The following DGAT2 variants were observed in gnomAD, a reference collection of about 807,000 sequenced individuals.
DGAT2 encodes the protein acyl-CoA retinol O-fatty-acyltransferase.
A neutral mutation model predicts 48.4 loss-of-function variants in DGAT2; 33 were observed. That is an observed-to-expected ratio of 0.68 (90% CI 0.52 to 0.91). DGAT2 has a LOEUF of 0.91. Among genes scored for constraint, DGAT2 ranks in the 40% least tolerant of loss-of-function variants. DGAT2 has a pLI of 0.00. For missense variants in DGAT2, 446 were observed against 493.7 expected (o/e 0.90, Z 0.92); for synonymous variants, 191 against 194.1 (o/e 0.98, Z 0.13).
At chr11:75,777,666 C>T (rs964361076) in intron 1 of DGAT2, among the ~76,000 whole-genome samples, 1 of 152,130 alleles carries the variant, frequency 6.6e-6, no homozygotes, top group Admixed American at 6.5e-5. Flanking sequence ...CCCCTGTTTT[C>T]GGCACTGACT....
At chr11:75,784,519 C>T in intron 1 of DGAT2, 99 bp from the exon 2 acceptor site, 1 of 1,498,730 alleles carries the variant, frequency 6.7e-7, no homozygotes, top group South Asian at 1.3e-5. Context: ...ATGCTCTTCT[C>T]ATATCTAGAA....
At chr11:75,789,303 C>T (rs1462265743) in intron 2 of DGAT2, among the ~76,000 whole-genome samples, 2 of 152,284 alleles carry the variant, frequency 1.3e-5, no homozygotes, top group African/African-American at 2.4e-5. Context: ...CACATGCCAC[C>T]TTGCCCAGCT....
chr11:75,795,772 G>C (rs1273253964), intron 4 of DGAT2: 3 of 153,866 alleles, frequency 1.9e-5, no homozygotes, highest in African/African-American at 7.2e-5. Flanking sequence ...TGGGCTGCCT[G>C]TCTCATTCTG....
intron 3 of DGAT2, 133 bp downstream of exon 3, chr11:75,790,428 T>TG (rs1565317977): frequency 5.8e-6 from 5 of 865,468 alleles, no homozygotes; most frequent in African/African-American, 1.7e-5. Flanking sequence ...CTAGTCCTTT[T>TG]GGGGGGAGGT....
At position 75,769,066 on chromosome 11, in the gene DGAT2, C is replaced by T; in HGVS notation, c.75C>T (p.Arg25=). 3 of 1,583,214 alleles carry T rather than the reference C, an allele frequency of 1.9e-6. No homozygotes were observed. Among genetic ancestry groups the T allele is most frequent in the South Asian group, 2.3e-5 (2 of 87,844 alleles). ...ERQAEADRSQ[R]SHGGPALSRE... is the part of the protein sequence containing the mutation. ...AGGCCGAGGCTGACCGGAGCCAGCG[C>T]TCTCACGGAGGACCTGCGCTGTCGC... The change falls in exon 1 of 8, where the codon CGC becomes CGT. Residue 25 remains arginine, a synonymous_variant. Coordinates refer to ENST00000228027, the MANE Select transcript of DGAT2 (RefSeq NM_032564.5).
intron 1 of DGAT2, among the ~76,000 whole-genome samples, chr11:75,770,338 C>G (rs1053351849): frequency 5.3e-5 from 8 of 152,062 alleles, no homozygotes; most frequent in Non-Finnish European, 4.4e-5. Flanking sequence ...TGGTTATCTG[C>G]CCCTCTTGGT....
intron 1 of DGAT2, among the ~76,000 whole-genome samples, chr11:75,783,055 C>T (rs564532030): frequency 6.6e-6 from 1 of 152,200 alleles, no homozygotes; most frequent in Non-Finnish European, 1.5e-5. Context: ...TGAGGCAGAC[C>T]TCTGGAATGG....
At chr11:75,787,505 A>G (rs1450047701) in intron 2 of DGAT2, among the ~76,000 whole-genome samples, 1 of 152,220 alleles carries the variant, frequency 6.6e-6, no homozygotes, top group Non-Finnish European at 1.5e-5. Context: ...GTAGGCCACC[A>G]TAATGTGCAG....
At chr11:75,788,301 G>C (rs1405121169) in intron 2 of DGAT2, among the ~76,000 whole-genome samples, 1 of 152,148 alleles carries the variant, frequency 6.6e-6, no homozygotes, top group Non-Finnish European at 1.5e-5. Flanking sequence ...TTTGTAGGCA[G>C]CCTTTAGACA....
intron 2 of DGAT2, among the ~76,000 whole-genome samples, chr11:75,789,858 C>T (rs548063886): frequency 3.9e-5 from 6 of 152,144 alleles, no homozygotes; most frequent in Admixed American, 6.5e-5. Context: ...GGCATGGGGG[C>T]GCACACAAGG....
intron 1 of DGAT2, among the ~76,000 whole-genome samples, chr11:75,778,326 C>T (rs1027369354): frequency 4.6e-5 from 7 of 152,174 alleles, no homozygotes; most frequent in African/African-American, 1.7e-4. Flanking sequence ...TCTTCAGGGC[C>T]CTGGCGAAGC....
intron 1 of DGAT2, among the ~76,000 whole-genome samples, chr11:75,781,815 C>A (rs979547839): frequency 5.3e-5 from 8 of 152,186 alleles, no homozygotes; most frequent in African/African-American, 1.9e-4. Flanking sequence ...AATTTCCAGT[C>A]TGTATAACGG....
At chr11:75,797,377 A>G in intron 6 of DGAT2, 45 bp downstream of exon 6, 2 of 1,386,110 alleles carry the variant, frequency 1.4e-6, no homozygotes, top group East Asian at 2.7e-5. Flanking sequence ...AGTGCCCCTC[A>G]GCCCAGGGCA....
chr11:75,773,279 C>T (rs1944775282), intron 1 of DGAT2, among the ~76,000 whole-genome samples: 1 of 152,150 alleles, frequency 6.6e-6, no homozygotes, highest in South Asian at 2.1e-4. Context: ...GTTCCCTGCC[C>T]TGGAGGTACC....
rs115963425 is a variant in DGAT2 at position 75,787,787 on chromosome 11, C to T, written c.251-2401C>T. ...ACCTGGTTTCTGCTCCCAAGGAGCT[C>T]GGGCTGAAGGGCTGTCTGTTAGTGG... On this transcript the variant is annotated intron_variant, in intron 2 of 7. Transcript: ENST00000228027. 1.5e-3 allele frequency among the ~76,000 whole-genome samples: 226 copies of T among 152,228 alleles called. 1 individual carries two copies. Among genetic ancestry groups the T allele is most frequent in the African/African-American group, 5.0e-3 (209 of 41,528 alleles).
chr11:75,798,252 T>C lies in DGAT2; in HGVS notation c.835T>C (p.Phe279Leu). Residue 279 changes from phenylalanine to leucine, a missense_variant, in exon 7 of 8, where the codon TTT becomes CTT. Coordinates refer to ENST00000228027, the MANE Select transcript of DGAT2 (RefSeq NM_032564.5). ...AGCTGACCTGGTTCCCATCTACTCC[T>C]TTGGAGAGAATGAAGTGTACAAGCA... is the stretch of plus-strand genomic sequence containing the variant. ...HGADLVPIYS[F>L]GENEVYKQVI... The C allele has an allele frequency of 6.2e-7, 1 of 1,614,158 alleles. No individual in the cohort carries two copies. Among genetic ancestry groups the C allele is most frequent in the Non-Finnish European group, 8.5e-7 (1 of 1,180,002 alleles).
At chr11:75,769,579 T>C (rs933006031) in intron 1 of DGAT2, among the ~76,000 whole-genome samples, 1 of 152,010 alleles carries the variant, frequency 6.6e-6, no homozygotes, top group African/African-American at 2.4e-5. Context: ...TAGCAGCAAC[T>C]CTTGAGCCTG....
At chr11:75,791,459 T>C (rs1288968779) in intron 4 of DGAT2, among the ~76,000 whole-genome samples, 1 of 152,188 alleles carries the variant, frequency 6.6e-6, no homozygotes, top group South Asian at 2.1e-4. Context: ...TGCAGAAAAT[T>C]TGAAGCTGTT....
intron 5 of DGAT2, 61 bp downstream of exon 5, chr11:75,796,593 C>G: frequency 1.3e-6 from 2 of 1,542,050 alleles, no homozygotes; most frequent in Non-Finnish European, 8.8e-7. Flanking sequence ...GCCTCTCCAT[C>G]GGGCAGGGTG....
Sources: gnomAD v4.1 joint callset for allele counts (sites outside exome capture counted in the v4.1 genomes callset) on GRCh38, gnomAD v4.1.1 for gene constraint, MANE v1.5 for transcripts, NCBI Gene and HGNC (gene_info 2026-07-23, HGNC 2026-07-21) for gene names.